Variants in HEXB observed in about 807,000 individuals in gnomAD.
The protein encoded by HEXB is hexosaminidase subunit beta.
In HEXB, 51 loss-of-function variants were observed where a neutral mutation model predicts 71.2. The ratio of observed to expected loss-of-function variants is 0.72; its 90% CI spans 0.57 to 0.90. The LOEUF (loss-of-function observed/expected upper bound fraction) is 0.90. Among genes scored for constraint, HEXB ranks in the 40% least tolerant of loss-of-function variants. The pLI, the probability that HEXB is intolerant of heterozygous loss-of-function variation, is 0.00. For missense variants in HEXB, 617 were observed against 677.0 expected (o/e 0.91, Z 0.98); for synonymous variants, 266 against 249.3 (o/e 1.07, Z -0.63).
intron 5 of HEXB, among the ~76,000 whole-genome samples, chr5:74,699,317 A>G (rs570083653): frequency 6.7e-6 from 1 of 149,100 alleles, no homozygotes; most frequent in African/African-American, 2.5e-5. Context: ...TGTGTTACCC[A>G]GGCTGGAGTG....
chr5:74,688,911 G>C (rs1028837850), intron 1 of HEXB, among the ~76,000 whole-genome samples: 1 of 152,132 alleles, frequency 6.6e-6, no homozygotes, highest in South Asian at 2.1e-4. Flanking sequence ...AACTAGTCCA[G>C]CTCTCACATA....
At chr5:74,716,883 T>A in intron 9 of HEXB, 1 of 427,852 alleles carries the variant, frequency 2.3e-6, no homozygotes, top group Non-Finnish European at 4.4e-6. Flanking sequence ...AGGAAGGCAG[T>A]CATCTGTTCT....
At chr5:74,699,096 A>G (rs1203903348) in intron 5 of HEXB, among the ~76,000 whole-genome samples, 1 of 151,938 alleles carries the variant, frequency 6.6e-6, no homozygotes, top group Non-Finnish European at 1.5e-5. Context: ...GAGACACAAA[A>G]TCGCTTGAAC....
At chr5:74,685,207 G>C, upstream of HEXB, 1 of 1,453,052 alleles carries the variant, frequency 6.9e-7, no homozygotes, top group Non-Finnish European at 9.0e-7. Context: ...CGGGCGGGAA[G>C]TCGGGTCCCG....
At chr5:74,685,170 C>G (rs1056159591), upstream of HEXB, 8 of 1,349,996 alleles carry the variant, frequency 5.9e-6, no homozygotes, top group East Asian at 5.7e-5. Flanking sequence ...GTGACTCACC[C>G]GCGGCCGCGC....
At chr5:74,713,206 A>G (rs999816563) in intron 6 of HEXB, among the ~76,000 whole-genome samples, 2 of 152,344 alleles carry the variant, frequency 1.3e-5, no homozygotes, top group East Asian at 3.9e-4. Context: ...GGTTAGCCCA[A>G]AGTATACTGA....
chr5:74,671,143 T>TA (rs1048319205), intron 1 of HEXB, among the ~76,000 whole-genome samples: 3 of 151,646 alleles, frequency 2.0e-5, no homozygotes, highest in South Asian at 2.1e-4. Context: ...ACAACTACAG[T>TA]AAGGGACAAC....
intron 1 of HEXB, among the ~76,000 whole-genome samples, chr5:74,673,937 G>A (rs1170377565): frequency 6.6e-6 from 1 of 152,136 alleles, no homozygotes; most frequent in African/African-American, 2.4e-5. Flanking sequence ...AGTGGATTCT[G>A]TTCTGTCAAT....
chr5:74,666,934 A>G (rs183363162), intron 1 of HEXB, among the ~76,000 whole-genome samples: 4 of 152,310 alleles, frequency 2.6e-5, no homozygotes, highest in African/African-American at 9.6e-5. Flanking sequence ...TGTGTCTAGC[A>G]GCAAGTGTTG....
chr5:74,716,043 G>GAAAA (rs1749666158), intron 8 of HEXB, among the ~76,000 whole-genome samples: 1 of 96,852 alleles, frequency 1.0e-5, no homozygotes. Flanking sequence ...AAAAAAAAAT[G>GAAAA]GAATAAAAAA....
chr5:74,667,324 C>A (rs1218992985), intron 1 of HEXB, among the ~76,000 whole-genome samples: 1 of 151,944 alleles, frequency 6.6e-6, no homozygotes, highest in Non-Finnish European at 1.5e-5. Flanking sequence ...GAGGCTGAGG[C>A]AGGAGAATCA....
chr5:74,689,797 G>T (rs1214129668), intron 2 of HEXB: 5 of 275,310 alleles, frequency 1.8e-5, no homozygotes, highest in Non-Finnish European at 3.4e-5. Flanking sequence ...AACATGATAA[G>T]CATTGACATG....
intron 1 of HEXB, among the ~76,000 whole-genome samples, chr5:74,644,401 C>T (rs1357332188): frequency 4.6e-5 from 7 of 152,152 alleles, no homozygotes. Flanking sequence ...AGGAATAAGC[C>T]CTCCATTCCC....
chr5:74,674,999 T>C (rs1748605731), intron 1 of HEXB, among the ~76,000 whole-genome samples: 1 of 152,190 alleles, frequency 6.6e-6, no homozygotes, highest in African/African-American at 2.4e-5. Flanking sequence ...AAAAAATTAT[T>C]TGGACACCTG....
At chr5:74,671,352 CTG>C (rs907975405) in intron 1 of HEXB, among the ~76,000 whole-genome samples, 49 of 152,106 alleles carry the variant, frequency 3.2e-4, no homozygotes, top group African/African-American at 1.1e-3. Flanking sequence ...CAGGAATAAA[CTG>C]TGGATACGCA....
chr5:74,708,483 GAC>G (rs1408184431), intron 6 of HEXB, among the ~76,000 whole-genome samples: 1 of 150,106 alleles, frequency 6.7e-6, no homozygotes, highest in Non-Finnish European at 1.5e-5. Flanking sequence ...CCAATTAAAA[GAC>G]ACAGACTGGC....
At chr5:74,668,314 G>GT (rs1189145370) in intron 1 of HEXB, among the ~76,000 whole-genome samples, 42 of 151,214 alleles carry the variant, frequency 2.8e-4, no homozygotes, top group Non-Finnish European at 4.7e-4. Context: ...TTTCAGTTCT[G>GT]TTTTTTTATA....
chr5:74,705,105 A>C lies in HEXB; in HGVS notation c.670-114A>C. ...AGACCCTGTCTCAAAAAAAAAAAAA[A>C]AAAAAAAGTTTTAAAGGAAGCAGAC... On this transcript the variant is annotated intron_variant, in intron 5 of 13. Coordinates refer to ENST00000261416, the MANE Select transcript of HEXB (RefSeq NM_000521.4). 4 of 682,716 alleles carry C rather than the reference A, an allele frequency of 5.9e-6. No homozygotes were observed. In the East Asian group the frequency reaches 1.1e-4, roughly 19 times the overall value. The allele number at this position is 682,716 out of a possible 1,614,324, so 42.3% of individuals were successfully genotyped here.
chr5:74,671,361 C>T (rs558925652), intron 1 of HEXB, among the ~76,000 whole-genome samples: 17 of 152,042 alleles, frequency 1.1e-4, no homozygotes, highest in South Asian at 2.1e-4. Context: ...ACTGTGGATA[C>T]GCACTACAAC....
Sources: allele counts gnomAD v4.1 joint callset (sites outside exome capture counted in the v4.1 genomes callset), GRCh38; gene constraint gnomAD v4.1.1; transcripts MANE v1.5; gene names NCBI Gene and HGNC (gene_info 2026-07-23, HGNC 2026-07-21).